The following NEK4 variants were observed in gnomAD, a reference collection of about 807,000 sequenced individuals.
NEK4 encodes the protein serine/threonine-protein kinase Nek4.
A neutral mutation model predicts 98.4 loss-of-function variants in NEK4; 86 were observed. That is an observed-to-expected ratio of 0.87 (90% CI 0.73 to 1.05). The LOEUF (loss-of-function observed/expected upper bound fraction) is 1.05. NEK4 is among the 50% of genes least tolerant of loss of function. NEK4 has a pLI of 0.00. For synonymous variants in NEK4, 328 were observed against 342.2 expected (o/e 0.96, Z 0.46); for missense variants, 898 against 950.3 (o/e 0.94, Z 0.72).
rs373619075 is a variant in NEK4, at chr3:52,723,524, G to C, written c.2434-11655C>G. ...CCCAAAGTGCTGGGATTACAGGCAT[G>C]AGCCACCATGCCCGGTCTGAAAAAA... On this transcript the variant is annotated intron_variant, in intron 15 of 15. Transcript: ENST00000233027. Among the ~76,000 whole-genome samples, 3 of 152,256 alleles carry C rather than the reference G, an allele frequency of 2.0e-5. No individual in the cohort carries two copies. The East Asian group carries it at 5.8e-4, about 29-fold the overall frequency.
At chr3:52,719,192 CT>C (rs1561284433) in intron 15 of NEK4, among the ~76,000 whole-genome samples, 1 of 152,200 alleles carries the variant, frequency 6.6e-6, no homozygotes, top group Non-Finnish European at 1.5e-5. Context: ...GTTAATTGGA[CT>C]CTGCAAGCAG....
chr3:52,749,415 G>A (rs958981743), intron 8 of NEK4, among the ~76,000 whole-genome samples: 4 of 151,900 alleles, frequency 2.6e-5, no homozygotes, highest in Non-Finnish European at 4.4e-5. Context: ...TTACAGGCGT[G>A]AGCCACCATT....
At chr3:52,752,476 A>C in intron 6 of NEK4, 140 bp from the exon 7 acceptor site, 1 of 743,018 alleles carries the variant, frequency 1.3e-6, no homozygotes, top group Non-Finnish European at 2.2e-6. Flanking sequence ...CTAAGTATGT[A>C]ATCCAAGGAA....
chr3:52,765,835 A>C, intron 4 of NEK4, 52 bp downstream of exon 4: 1 of 1,085,766 alleles, frequency 9.2e-7, no homozygotes, highest in Non-Finnish European at 1.4e-6. Context: ...GTAGCTATTT[A>C]TAAAGCTGCA....
At chr3:52,750,516 T>G (rs574657464) in intron 7 of NEK4, among the ~76,000 whole-genome samples, 2 of 152,132 alleles carry the variant, frequency 1.3e-5, no homozygotes, top group Admixed American at 6.6e-5. Context: ...CACTGTACTC[T>G]AGCCTGGGTG....
chr3:52,712,030 T>G (rs548045925), intron 15 of NEK4, among the ~76,000 whole-genome samples, 161 bp from the exon 16 acceptor site: 1 of 152,232 alleles, frequency 6.6e-6, no homozygotes, highest in Non-Finnish European at 1.5e-5. Context: ...TTCAAGATGT[T>G]TCGAAAAGTC....
Position 52,752,190 on chromosome 3 carries a change from T to G in NEK4, c.1110A>C (p.Leu370Phe). 1 of 1,614,174 alleles carries G rather than the reference T, an allele frequency of 6.2e-7. No homozygotes were observed. The highest frequency in any genetic ancestry group is 1.1e-5 in the South Asian group (1 of 91,080). Residue 370 changes from leucine to phenylalanine, a missense_variant, in exon 7 of 16, where the codon TTA becomes TTC. Coordinates refer to ENST00000233027, the MANE Select transcript of NEK4 (RefSeq NM_003157.6). Reference sequence around the variant, plus strand: ...TCACTGAATCCCTCCCTTTTGCAGGTAAGATGTCAATATTTACGCTACTGA... The same window carrying G: ...TCACTGAATCCCTCCCTTTTGCAGGGAAGATGTCAATATTTACGCTACTGA... Reference protein sequence around the residue: ...ATISSVNIDILPAKGRDSVSD... With the variant: ...ATISSVNIDIFPAKGRDSVSD...
intron 15 of NEK4, among the ~76,000 whole-genome samples, chr3:52,736,566 A>T (rs2097376288): frequency 6.6e-6 from 1 of 151,676 alleles, no homozygotes; most frequent in Non-Finnish European, 1.5e-5. Context: ...AGCCTAGGTG[A>T]CAGAGCGAGA....
intron 5 of NEK4, among the ~76,000 whole-genome samples, chr3:52,762,675 G>T (rs1471548946): frequency 6.6e-6 from 1 of 152,224 alleles, no homozygotes; most frequent in Non-Finnish European, 1.5e-5. Flanking sequence ...GAGGTCGGGA[G>T]TTCAAGACCA....
chr3:52,744,336 T>C lies in NEK4; in HGVS notation c.1828-31A>G, dbSNP rs1303509854. On this transcript the variant is annotated intron_variant, in intron 10 of 15. Coordinates refer to ENST00000233027, the MANE Select transcript of NEK4 (RefSeq NM_003157.6). ...AAAGAAAGTCACAGAGTCACTTCCATTCCTACTTGCTATTTTTATAACACC... is the reference window on the plus strand; with the variant it reads ...AAAGAAAGTCACAGAGTCACTTCCACTCCTACTTGCTATTTTTATAACACC... 9 of 1,521,910 alleles carry C rather than the reference T, an allele frequency of 5.9e-6. No homozygotes were observed. The East Asian group carries it at 1.8e-4, about 30-fold the overall frequency. The allele number at this position is 1,521,910 out of a possible 1,614,324, so 94.3% of individuals were successfully genotyped here.
intron 15 of NEK4, chr3:52,737,373 G>A: frequency 2.1e-6 from 1 of 465,262 alleles, no homozygotes; most frequent in East Asian, 3.2e-5. Context: ...GGACCATGGG[G>A]AGTGACTGCT....
At chr3:52,735,041 T>C (rs2097374053) in intron 15 of NEK4, 1 of 172,308 alleles carries the variant, frequency 5.8e-6, no homozygotes, top group Non-Finnish European at 1.3e-5. Flanking sequence ...TGAGGAGAAA[T>C]ACATGTAACG....
At chr3:52,725,276 C>T (rs1209364875) in intron 15 of NEK4, among the ~76,000 whole-genome samples, 1 of 152,174 alleles carries the variant, frequency 6.6e-6, no homozygotes, top group African/African-American at 2.4e-5. Flanking sequence ...CTTTGGGAGG[C>T]TGAGGCGGGT....
chr3:52,770,904 C>T lies in NEK4; in HGVS notation c.-158G>A. On this transcript the variant is annotated 5_prime_UTR_variant, in exon 1 of 16. Coordinates refer to ENST00000233027, the MANE Select transcript of NEK4 (RefSeq NM_003157.6). ...ATTGCTGGGGCCCGGCCCGCGACGA[C>T]GCCGCTGCCATAGCGATCCGGGCCG... is the stretch of plus-strand genomic sequence containing the variant. 1.6e-6 allele frequency: 1 copy of T among 629,754 alleles called. No homozygotes were observed. The highest frequency in any genetic ancestry group is 2.8e-6 in the Non-Finnish European group (1 of 363,232). The allele number at this position is 629,754 out of a possible 1,614,324, so 39.0% of individuals were successfully genotyped here.
chr3:52,730,709 T>C (rs1294237962), intron 15 of NEK4, among the ~76,000 whole-genome samples: 4 of 152,188 alleles, frequency 2.6e-5, no homozygotes, highest in Admixed American at 1.3e-4. Context: ...TTATGCAGGA[T>C]TGGTGTTCTT....
At chr3:52,752,933 T>TATATATATACACACAC (rs148965312) in intron 6 of NEK4, among the ~76,000 whole-genome samples, 6 of 75,586 alleles carry the variant, frequency 7.9e-5, no homozygotes, top group Middle Eastern at 0.014. Context: ...TATATATATA[T>TATATATATACACACAC]ACACACACAC....
At chr3:52,765,317 C>T (rs565582181) in intron 4 of NEK4, among the ~76,000 whole-genome samples, 1 of 150,414 alleles carries the variant, frequency 6.6e-6, no homozygotes, top group East Asian at 2.0e-4. Context: ...TGCCATTGCA[C>T]TCCAGCCTGG....
At chr3:52,756,839 G>A (rs75613308) in intron 6 of NEK4, among the ~76,000 whole-genome samples, 6,010 of 152,124 alleles carry the variant, frequency 0.04, 400 homozygotes, top group African/African-American at 0.14. Flanking sequence ...GAAAATATTT[G>A]CAAATCATAT....
chr3:52,723,877 C>T (rs1205792411), intron 15 of NEK4, among the ~76,000 whole-genome samples: 1 of 152,130 alleles, frequency 6.6e-6, no homozygotes, highest in Non-Finnish European at 1.5e-5. Context: ...ATCCAAGAGG[C>T]TCAACAAACT....
Sources: allele counts gnomAD v4.1 joint callset (sites outside exome capture counted in the v4.1 genomes callset), GRCh38; gene constraint gnomAD v4.1.1; transcripts MANE v1.5; gene names NCBI Gene and HGNC (gene_info 2026-07-23, HGNC 2026-07-21).